Variants in GDE1 observed in about 807,000 individuals in gnomAD.
GDE1 encodes the protein RGS16-interacting membrane protein.
A neutral mutation model predicts 32.2 loss-of-function variants in GDE1; 24 were observed. That is an observed-to-expected ratio of 0.75 (90% CI 0.54 to 1.05). GDE1 has a LOEUF of 1.05. Among genes scored for constraint, GDE1 ranks in the 50% least tolerant of loss-of-function variants. The pLI, the probability that GDE1 is intolerant of heterozygous loss-of-function variation, is 0.00. For synonymous variants in GDE1, 159 were observed against 158.6 expected (o/e 1.00, Z -0.02); for missense variants, 380 against 415.0 (o/e 0.92, Z 0.73).
intron 1 of GDE1, among the ~76,000 whole-genome samples, chr16:19,520,390 A>G (rs1056648438): frequency 6.7e-5 from 10 of 148,260 alleles, no homozygotes; most frequent in African/African-American, 2.3e-4. Context: ...AGACAGTGAG[A>G]CTTCGTTTAA....
chr16:19,511,783 T>A (rs947350813), intron 2 of GDE1, among the ~76,000 whole-genome samples: 4 of 152,138 alleles, frequency 2.6e-5, no homozygotes, highest in African/African-American at 9.6e-5. Context: ...TCAACTTTTT[T>A]AGCTCCCATA....
chr16:19,519,516 AC>A (rs1438944113), intron 1 of GDE1, among the ~76,000 whole-genome samples: 3 of 151,752 alleles, frequency 2.0e-5, no homozygotes, highest in African/African-American at 7.3e-5. Flanking sequence ...TGTAAACATA[AC>A]TTTTATATGC....
Position 19,502,755 on chromosome 16 carries a change from TC to T in GDE1, c.*714del, listed in dbSNP as rs1219768860. 1 of 152,220 alleles carries T rather than the reference TC, an allele frequency of 6.6e-6. No homozygotes were observed. The highest frequency in any genetic ancestry group is 1.9e-4 in the East Asian group (1 of 5,198). 9.4% of individuals were successfully genotyped at this position (152,220 alleles called of 1,614,324 possible). On this transcript the variant is annotated 3_prime_UTR_variant, in exon 6 of 6. Coordinates refer to ENST00000353258, the MANE Select transcript of GDE1 (RefSeq NM_016641.4). ...AACCTAGATATTTTTGGAAGTTTCT[TC>T]CAGTTCTAATTGCCTATGATCAGAT...
At position 19,507,767 on chromosome 16, in the gene GDE1, G is replaced by C; in HGVS notation, c.556C>G (p.Leu186Val). The C allele has an allele frequency of 6.7e-7, 1 of 1,489,236 alleles. No homozygotes were observed. The highest frequency in any genetic ancestry group is 9.4e-7 in the Non-Finnish European group (1 of 1,068,180). 92.3% of individuals were successfully genotyped at this position (1,489,236 alleles called of 1,614,324 possible). ...KGHAHKATEA[L>V]KKMYMEFPQL... is the part of the protein sequence containing the mutation. ...GGAAATTCCATATACATTTTCTTTA[G>C]AGCCTCAGTAGCCTGTAAAATAAAG... The change falls in exon 4 of 6, where the codon CTA (leucine) becomes GTA (valine). Residue 186 changes from leucine (L) to valine (V), a missense_variant. Leu to Val is a conservative substitution (Grantham distance 32, BLOSUM62 1). Coordinates refer to ENST00000353258, the MANE Select transcript of GDE1 (RefSeq NM_016641.4).
At chr16:19,512,235 A>G (rs1555488131) in intron 2 of GDE1, among the ~76,000 whole-genome samples, 1 of 152,154 alleles carries the variant, frequency 6.6e-6, no homozygotes, top group Non-Finnish European at 1.5e-5. Context: ...AGCATCTGTT[A>G]TTTTAAAAAT....
intron 1 of GDE1, among the ~76,000 whole-genome samples, chr16:19,519,054 G>C (rs1006615426): frequency 2.8e-4 from 42 of 152,198 alleles, no homozygotes; most frequent in African/African-American, 9.9e-4. Flanking sequence ...TTGAGGGCTT[G>C]GTCCCCAAGA....
intron 1 of GDE1, among the ~76,000 whole-genome samples, chr16:19,520,726 TAAA>T (rs761557296): frequency 9.2e-5 from 5 of 54,114 alleles, no homozygotes; most frequent in African/African-American, 2.6e-4. Flanking sequence ...CTCTGTAAAG[TAAA>T]AAAAAAAAAA....
In GDE1 at chr16:19,521,851, G is replaced by GAGGC; in HGVS notation, c.110_113dup (p.Phe39ProfsTer11). On this transcript the variant is annotated frameshift_variant, in exon 1 of 6. Coordinates refer to ENST00000353258, the MANE Select transcript of GDE1 (RefSeq NM_016641.4). LOFTEE classifies it high-confidence loss of function. ...AGCTGAAGACGCGCAGTAGAACGAA[G>GAGGC]AGGCTGCCGGTGAGGAGGCAGGCAT... 6.2e-7 allele frequency: 1 copy of GAGGC among 1,608,722 alleles called. No individual in the cohort carries two copies. The highest frequency in any genetic ancestry group is 8.5e-7 in the Non-Finnish European group (1 of 1,178,352).
intron 5 of GDE1, 134 bp downstream of exon 5, chr16:19,504,747 G>C (rs1270220284): frequency 1.6e-6 from 1 of 622,282 alleles, no homozygotes; most frequent in East Asian, 2.8e-5. Context: ...AAGCGAAATT[G>C]GTAATCCAAT....
At position 19,521,860 on chromosome 16, in the gene GDE1, G is replaced by C. The variant is rs1372373510; in HGVS notation, c.105C>G (p.Thr35=). The C allele has an allele frequency of 1.2e-6, 2 of 1,607,540 alleles. No homozygotes were observed. Among genetic ancestry groups the C allele is most frequent in the Admixed American group, 3.4e-5 (2 of 58,868 alleles). ...TRSPVNACLL[T]GSLFVLLRVF... is the part of the protein sequence containing the mutation. ...CGCGCAGTAGAACGAAGAGGCTGCC[G>C]GTGAGGAGGCAGGCATTGACCGGGC... Residue 35 remains threonine, a synonymous_variant, in exon 1 of 6, where the codon ACC becomes ACG. Coordinates refer to ENST00000353258, the MANE Select transcript of GDE1 (RefSeq NM_016641.4).
In GDE1 at chr16:19,522,075, C is replaced by T; in HGVS notation, c.-111G>A. 4.4e-6 allele frequency: 5 copies of T among 1,132,902 alleles called. No homozygotes were observed. The highest frequency in any genetic ancestry group is 6.1e-6 in the Non-Finnish European group (5 of 820,830). 70.2% of individuals were successfully genotyped at this position (1,132,902 alleles called of 1,614,324 possible). A position where few individuals can be genotyped will look rare whatever the true frequency, so the allele number is the denominator to read the frequency against. Reference sequence around the variant, plus strand: ...AGGCACCGGCAGCAGCAGGAACCCTCTGAGGGGACCAGCGCCGCACAATGG... The same window carrying T: ...AGGCACCGGCAGCAGCAGGAACCCTTTGAGGGGACCAGCGCCGCACAATGG... On this transcript the variant is annotated 5_prime_UTR_variant, in exon 1 of 6. Transcript: ENST00000353258.
At position 19,503,042 on chromosome 16, in the gene GDE1, T is replaced by G. The variant is rs183920599; in HGVS notation, c.*428A>C. Reference sequence around the variant, plus strand: ...TTTATTAGTATGGCCACAAGTTTGATGTCTACAGTACATGTTAACATAGCT... The same window carrying G: ...TTTATTAGTATGGCCACAAGTTTGAGGTCTACAGTACATGTTAACATAGCT... On this transcript the variant is annotated 3_prime_UTR_variant, in exon 6 of 6. Transcript: ENST00000353258. 1 of 155,564 alleles carries G rather than the reference T, an allele frequency of 6.4e-6. No individual in the cohort carries two copies. The highest frequency in any genetic ancestry group is 2.4e-5 in the African/African-American group (1 of 41,686). The allele number at this position is 155,564 out of a possible 1,614,324, so 9.6% of individuals were successfully genotyped here. A position where few individuals can be genotyped will look rare whatever the true frequency, so the allele number is the denominator to read the frequency against.
rs920077977 is a variant in GDE1 at position 19,503,136 on chromosome 16, A to G, written c.*334T>C. Reference sequence around the variant, plus strand: ...AACTCTGAGTTATCATGCATGTCCCATGCATTTACATCTGCATCTGCAAAC... The same window carrying G: ...AACTCTGAGTTATCATGCATGTCCCGTGCATTTACATCTGCATCTGCAAAC... On this transcript the variant is annotated 3_prime_UTR_variant, in exon 6 of 6. Coordinates refer to ENST00000353258, the MANE Select transcript of GDE1 (RefSeq NM_016641.4). 4.8e-5 allele frequency: 13 copies of G among 271,396 alleles called. No homozygotes were observed. The East Asian group carries it at 8.7e-4, about 18-fold the overall frequency. 16.8% of individuals were successfully genotyped at this position (271,396 alleles called of 1,614,324 possible). A position where few individuals can be genotyped will look rare whatever the true frequency, so the allele number is the denominator to read the frequency against.
chr16:19,507,699 T>C lies in GDE1; in HGVS notation c.624A>G (p.Glu208=). 6.5e-7 allele frequency: 1 copy of C among 1,548,604 alleles called. No individual in the cohort carries two copies. Among genetic ancestry groups the C allele is most frequent in the Non-Finnish European group, 8.9e-7 (1 of 1,120,340 alleles). The change falls in exon 4 of 6, where the codon GAA becomes GAG. Residue 208 remains glutamate, a synonymous_variant. Transcript: ENST00000353258. ...TCCCGAATGTTACCTTGTAGATAAC[T>C]TCTGGCAAGAAAGAACAGACCACAC... is the stretch of plus-strand genomic sequence containing the variant. ...NNSVVCSFLP[E]VIYKMRQTDR...
chr16:19,505,181 T>C (rs1969231472), intron 4 of GDE1, 89 bp from the exon 5 acceptor site: 2 of 897,424 alleles, frequency 2.2e-6, no homozygotes, highest in African/African-American at 1.6e-5. Flanking sequence ...CTCAATCAGA[T>C]GAGGTGGTCA....
intron 5 of GDE1, chr16:19,504,281 TTTGA>T (rs1969216663): frequency 6.5e-6 from 1 of 153,502 alleles, no homozygotes; most frequent in Admixed American, 6.4e-5. Flanking sequence ...AGATCATGGC[TTTGA>T]TTCTTTACCC....
In GDE1 at chr16:19,521,886, T is replaced by C. The variant is rs761274376; in HGVS notation, c.79A>G (p.Ser27Gly). The C allele has an allele frequency of 6.2e-6, 10 of 1,602,526 alleles. No homozygotes were observed. In the Admixed American group the frequency reaches 8.6e-5, roughly 14 times the overall value. The part of the protein sequence containing the change: ...LLLVLLLVTR[S>G]PVNACLLTGS... Reference sequence around the variant, plus strand: ...GTGAGGAGGCAGGCATTGACCGGGCTCCGCGTCACCAGCAGCAGCACTAGC... The same window carrying C: ...GTGAGGAGGCAGGCATTGACCGGGCCCCGCGTCACCAGCAGCAGCACTAGC... The change falls in exon 1 of 6, where the codon AGC becomes GGC. Residue 27 changes from serine (S) to glycine (G), a missense_variant. Coordinates refer to ENST00000353258, the MANE Select transcript of GDE1 (RefSeq NM_016641.4).
At chr16:19,521,607 G>A in intron 1 of GDE1, 97 bp downstream of exon 1, 1 of 1,372,862 alleles carries the variant, frequency 7.3e-7, no homozygotes, top group Non-Finnish European at 9.9e-7. Flanking sequence ...ATGAGGAAGT[G>A]GGAAGGCCGT....
intron 2 of GDE1, among the ~76,000 whole-genome samples, chr16:19,516,776 C>T (rs1198783795): frequency 1.3e-5 from 2 of 152,200 alleles, no homozygotes; most frequent in Non-Finnish European, 2.9e-5. Context: ...GATTCTATGA[C>T]TAGACAGTAT....
Sources: gnomAD v4.1 joint callset for allele counts (sites outside exome capture counted in the v4.1 genomes callset) on GRCh38, gnomAD v4.1.1 for gene constraint, MANE v1.5 for transcripts, NCBI Gene and HGNC (gene_info 2026-07-23, HGNC 2026-07-21) for gene names.